Variants in NFIA observed in about 807,000 individuals in gnomAD.
NFIA encodes the protein nuclear factor I A.
A neutral mutation model predicts 62.8 loss-of-function variants in NFIA; 8 were observed. The observed-to-expected ratio is 0.13, with a 90% confidence interval of 0.07 to 0.23. The LOEUF is 0.23. NFIA is among the 10% of genes least tolerant of loss of function. The pLI, the probability that NFIA is intolerant of heterozygous loss-of-function variation, is 1.00. For missense variants in NFIA, 410 were observed against 642.1 expected, an observed-to-expected ratio of 0.64 and a Z score of 3.91; for synonymous variants, 235 against 238.1, an observed-to-expected ratio of 0.99 and a Z score of 0.12.
intron 7 of NFIA, among the ~76,000 whole-genome samples, chr1:61,395,489 A>G (rs1318140034): frequency 6.6e-6 from 1 of 151,994 alleles, no homozygotes; most frequent in Non-Finnish European, 1.5e-5. Flanking sequence ...CATCCAATCT[A>G]TGGTGGTTAG....
chr1:61,339,124 C>T (rs769241292), intron 4 of NFIA, among the ~76,000 whole-genome samples: 1 of 152,102 alleles, frequency 6.6e-6, no homozygotes, highest in Non-Finnish European at 1.5e-5. Context: ...TAAAGCAGCA[C>T]AAAAAGTCTC....
chr1:61,092,867 T>A (rs960272265), intron 2 of NFIA, among the ~76,000 whole-genome samples: 3 of 152,172 alleles, frequency 2.0e-5, no homozygotes, highest in Non-Finnish European at 4.4e-5. Flanking sequence ...GGAGTGTCTG[T>A]GTAGGGGCGT....
intron 2 of NFIA, among the ~76,000 whole-genome samples, chr1:61,127,865 G>A (rs1647003247): frequency 2.6e-5 from 4 of 152,098 alleles, no homozygotes; most frequent in Admixed American, 2.6e-4. Context: ...CCTTTAGTCT[G>A]CAGGAACCTT....
At chr1:61,419,809 A>T (rs528968985) in intron 9 of NFIA, among the ~76,000 whole-genome samples, 1 of 152,224 alleles carries the variant, frequency 6.6e-6, no homozygotes, top group African/African-American at 2.4e-5. Flanking sequence ...GTTAGAATTC[A>T]TTAGCTTTTC....
At chr1:61,127,405 T>TA (rs940762137) in intron 2 of NFIA, among the ~76,000 whole-genome samples, 45 of 150,984 alleles carry the variant, frequency 3.0e-4, no homozygotes, top group African/African-American at 1.0e-3. Flanking sequence ...TGCAGTGAGC[T>TA]GAGATCGCAT....
intron 9 of NFIA, among the ~76,000 whole-genome samples, chr1:61,412,806 C>A (rs1569811710): frequency 1.3e-5 from 2 of 152,278 alleles, no homozygotes; most frequent in East Asian, 3.9e-4. Context: ...CTGAGAACAG[C>A]TCTGGCATGG....
intron 3 of NFIA, among the ~76,000 whole-genome samples, chr1:61,280,451 G>A (rs201983364): frequency 2.0e-5 from 3 of 151,592 alleles, no homozygotes; most frequent in African/African-American, 4.8e-5. Flanking sequence ...GTATGTGTGT[G>A]TATATATATA....
intron 3 of NFIA, among the ~76,000 whole-genome samples, chr1:61,303,692 T>C (rs1008720145): frequency 6.6e-6 from 1 of 152,178 alleles, no homozygotes; most frequent in African/African-American, 2.4e-5. Context: ...GGAAGTCTTA[T>C]TAAAACACAG....
chr1:61,219,061 G>A (rs552796556), intron 2 of NFIA, among the ~76,000 whole-genome samples: 8 of 152,054 alleles, frequency 5.3e-5, no homozygotes, highest in Admixed American at 3.3e-4. Flanking sequence ...GAGAAACCCC[G>A]TCTCTACTAA....
At chr1:61,214,986 T>C (rs879583706) in intron 2 of NFIA, among the ~76,000 whole-genome samples, 7 of 152,278 alleles carry the variant, frequency 4.6e-5, no homozygotes, top group Admixed American at 4.6e-4. Flanking sequence ...ACTTCCCTAA[T>C]GCCAGGTAGT....
chr1:61,228,539 A>G (rs1304613894), intron 2 of NFIA, among the ~76,000 whole-genome samples: 1 of 152,230 alleles, frequency 6.6e-6, no homozygotes, highest in Non-Finnish European at 1.5e-5. Flanking sequence ...GACAGGGTTA[A>G]TGTTGGAAGA....
intron 2 of NFIA, among the ~76,000 whole-genome samples, chr1:61,196,868 T>C (rs945020968): frequency 6.6e-6 from 1 of 151,740 alleles, no homozygotes; most frequent in African/African-American, 2.4e-5. Flanking sequence ...ATAAAGTCTA[T>C]ATAGGTCACA....
intron 4 of NFIA, among the ~76,000 whole-genome samples, chr1:61,349,673 C>T (rs1465895486): frequency 6.6e-6 from 1 of 152,122 alleles, no homozygotes; most frequent in Non-Finnish European, 1.5e-5. Context: ...CTCCTGGGCT[C>T]AAGTGATCCT....
intron 10 of NFIA, among the ~76,000 whole-genome samples, chr1:61,445,513 A>G (rs552068941): frequency 5.9e-5 from 9 of 152,204 alleles, no homozygotes; most frequent in Non-Finnish European, 1.0e-4. Context: ...AAACTCTCCC[A>G]TGTGGGTTTG....
intron 3 of NFIA, among the ~76,000 whole-genome samples, chr1:61,293,881 C>T (rs1659040281): frequency 6.6e-6 from 1 of 152,176 alleles, no homozygotes; most frequent in Non-Finnish European, 1.5e-5. Flanking sequence ...AAAGCTCAAA[C>T]CAAAATTGCT....
At chr1:61,220,472 T>A (rs1171309704) in intron 2 of NFIA, among the ~76,000 whole-genome samples, 1 of 152,232 alleles carries the variant, frequency 6.6e-6, no homozygotes, top group East Asian at 1.9e-4. Flanking sequence ...GGCAATGCGG[T>A]ATTTAGACCA....
upstream of NFIA, chr1:61,077,368 G>A (rs756666286): frequency 2.7e-5 from 10 of 373,086 alleles, no homozygotes; most frequent in Non-Finnish European, 4.3e-5. Flanking sequence ...GAGAGCGAGC[G>A]AGCGAGCGAG....
intron 3 of NFIA, among the ~76,000 whole-genome samples, chr1:61,317,659 T>C (rs1660438079): frequency 6.6e-6 from 1 of 152,078 alleles, no homozygotes; most frequent in Non-Finnish European, 1.5e-5. Flanking sequence ...AATTACATTA[T>C]CTACATTTTG....
In NFIA at chr1:61,359,643, T is replaced by C. The variant is rs557298518; in HGVS notation, c.946+369T>C. On this transcript the variant is annotated intron_variant, in intron 6 of 10. Transcript: ENST00000403491. The stretch of plus-strand genomic sequence containing the variant: ...TCGCCCGGGCTGGAGTACAGTGGCA[T>C]GATCTTGGCTCACTGCAACCTCCTT... Among the ~76,000 whole-genome samples the C allele has an allele frequency of 2.0e-5, 3 of 152,276 alleles. No homozygotes were observed. The East Asian group carries it at 5.8e-4, about 29-fold the overall frequency.
Sources: gnomAD v4.1 joint callset for allele counts (sites outside exome capture counted in the v4.1 genomes callset) on GRCh38, gnomAD v4.1.1 for gene constraint, MANE v1.5 for transcripts, NCBI Gene and HGNC (gene_info 2026-07-23, HGNC 2026-07-21) for gene names.